Variants in STX7 observed in about 807,000 individuals in gnomAD.
STX7 encodes syntaxin 7.
A neutral mutation model predicts 39.6 loss-of-function variants in STX7; 34 were observed. The observed-to-expected ratio is 0.86, with a 90% CI of 0.65 to 1.14. The LOEUF (loss-of-function observed/expected upper bound fraction) is 1.14, where lower values mean the gene tolerates loss of function less well. STX7 is among the 50% of genes most tolerant of loss of function. The pLI is 0.00. For missense variants in STX7, 284 were observed against 310.4 expected (o/e 0.92, Z 0.64); for synonymous variants, 119 against 99.1 (o/e 1.20, Z -1.19).
chr6:132,460,578 G>GT lies in STX7; in HGVS notation c.*179dup, dbSNP rs1341219872. 2.3e-6 allele frequency: 1 copy of GT among 443,800 alleles called. No individual in the cohort carries two copies. Among genetic ancestry groups the GT allele is most frequent in the African/African-American group, 2.0e-5 (1 of 49,248 alleles). 27.5% of individuals were successfully genotyped at this position (443,800 alleles called of 1,614,324 possible). On this transcript the variant is annotated 3_prime_UTR_variant, in exon 10 of 10. Transcript: ENST00000367941. Reference sequence around the variant, plus strand: ...GCAGTGACATTTAGAAAATCTTTCAGTATTAGAAAATATCAGATTTAATCC... The same window carrying GT: ...GCAGTGACATTTAGAAAATCTTTCAGTTATTAGAAAATATCAGATTTAATCC...
At chr6:132,460,921 C>A in intron 9 of STX7, 71 bp from the exon 10 acceptor site, 1 of 1,316,424 alleles carries the variant, frequency 7.6e-7, no homozygotes, top group Non-Finnish European at 1.1e-6. Flanking sequence ...TCTACAGCAA[C>A]TAAAAATAAT....
At position 132,505,415 on chromosome 6, in the gene STX7, T is replaced by A. The variant is rs185593340; in HGVS notation, c.-58-1827A>T. 1.7e-4 allele frequency among the ~76,000 whole-genome samples: 26 copies of A among 152,296 alleles called. No individual in the cohort carries two copies. In the East Asian group the frequency reaches 5.0e-3, roughly 29 times the overall value. ...CTATGCCTGGAACTCTGGTGCACTT[T>A]GAATGTGCCTGGCCACGCTGAAAGT... On this transcript the variant is annotated intron_variant, in intron 1 of 9. Transcript: ENST00000367941.
intron 8 of STX7, among the ~76,000 whole-genome samples, chr6:132,467,845 C>T (rs928028067): frequency 6.6e-6 from 1 of 152,162 alleles, no homozygotes; most frequent in Non-Finnish European, 1.5e-5. Context: ...AATTGAAATG[C>T]TATTACATTC....
At chr6:132,471,965 T>C (rs374715605) in intron 4 of STX7, among the ~76,000 whole-genome samples, 5 of 152,246 alleles carry the variant, frequency 3.3e-5, no homozygotes, top group African/African-American at 1.2e-4. Flanking sequence ...ACACCTCACA[T>C]CTTGAATGAG....
intron 9 of STX7, among the ~76,000 whole-genome samples, chr6:132,462,293 CT>C (rs1196013466): frequency 5.9e-5 from 9 of 152,192 alleles, no homozygotes; most frequent in African/African-American, 1.9e-4. Flanking sequence ...GGAAAGCTGC[CT>C]CTTTTCTCAG....
At chr6:132,485,254 T>C (rs1775105828) in intron 2 of STX7, among the ~76,000 whole-genome samples, 1 of 152,228 alleles carries the variant, frequency 6.6e-6, no homozygotes, top group South Asian at 2.1e-4. Context: ...TTTTGCATTT[T>C]CTAAAGTTTT....
Position 132,446,484 on chromosome 6 carries a change from T to G in STX7, c.*14274A>C, listed in dbSNP as rs1224815183. ...GATACAAGAATGAGGTTTTAAGAGA[T>G]AATCTTTGTTTCTAATTAAGTGTGG... On this transcript the variant is annotated 3_prime_UTR_variant, in exon 10 of 10. Transcript: ENST00000367941. 1 of 152,196 alleles carries G rather than the reference T, an allele frequency of 6.6e-6. No individual in the cohort carries two copies. The highest frequency in any genetic ancestry group is 2.4e-5 in the African/African-American group (1 of 41,454). The allele number at this position is 152,196 out of a possible 1,614,324, so 9.4% of individuals were successfully genotyped here.
rs555808867 is a variant in STX7 at position 132,466,373 on chromosome 6, T to A, written c.610+2030A>T. On this transcript the variant is annotated intron_variant, in intron 8 of 9. Transcript: ENST00000367941. ...GTCTTTTTATTTGTTCTTCTTCAAC[T>A]GTCTGGGCTCTAAATCAGAGGTTAA... 3.3e-5 allele frequency among the ~76,000 whole-genome samples: 5 copies of A among 152,334 alleles called. No individual in the cohort carries two copies. In the East Asian group the frequency reaches 7.7e-4, roughly 23 times the overall value.
chr6:132,461,982 C>G, intron 9 of STX7: 5 of 917,928 alleles, frequency 5.4e-6, no homozygotes, highest in Non-Finnish European at 8.0e-6. Context: ...TTGAATATTC[C>G]ACATATTCAT....
Position 132,451,611 on chromosome 6 carries a change from G to A in STX7, c.*9147C>T, listed in dbSNP as rs1774138134. Reference sequence around the variant, plus strand: ...AGGAAATGATAAATGAAGGAGTTTTGGAATATCAGACATCAAAAGTCTAAC... The same window carrying A: ...AGGAAATGATAAATGAAGGAGTTTTAGAATATCAGACATCAAAAGTCTAAC... On this transcript the variant is annotated 3_prime_UTR_variant, in exon 10 of 10. Coordinates refer to ENST00000367941, the MANE Select transcript of STX7 (RefSeq NM_003569.3). 1 of 152,002 alleles carries A rather than the reference G, an allele frequency of 6.6e-6. No homozygotes were observed. Among genetic ancestry groups the A allele is most frequent in the African/African-American group, 2.4e-5 (1 of 41,410 alleles). The allele number at this position is 152,002 out of a possible 1,614,324, so 9.4% of individuals were successfully genotyped here.
At chr6:132,472,421 C>G (rs747046263) in intron 3 of STX7, 46 bp from the exon 4 acceptor site, 2 of 1,426,756 alleles carry the variant, frequency 1.4e-6, no homozygotes, top group South Asian at 1.3e-5. Flanking sequence ...TAATATACTT[C>G]TTTAAGCTTC....
In STX7 at chr6:132,473,497, G is replaced by GT. The variant is rs1241957879; in HGVS notation, c.156-1123dup. Among the ~76,000 whole-genome samples the GT allele has an allele frequency of 2.0e-3, 249 of 122,870 alleles. 1 individual carries two copies. Among genetic ancestry groups the GT allele is most frequent in the African/African-American group, 4.8e-3 (162 of 34,058 alleles). The allele number at this position is 122,870 out of a possible 152,430, so 80.6% of individuals were successfully genotyped here. A position where few individuals can be genotyped will look rare whatever the true frequency, so the allele number is the denominator to read the frequency against. ...AATAGTTGCTATATTTTATAGTTCA[G>GT]TTTTTTTTTTTATTATTGTGTTGTT... is the stretch of plus-strand genomic sequence containing the variant. On this transcript the variant is annotated intron_variant, in intron 3 of 9. Coordinates refer to ENST00000367941, the MANE Select transcript of STX7 (RefSeq NM_003569.3).
At chr6:132,492,314 A>G (rs1469760063) in intron 2 of STX7, among the ~76,000 whole-genome samples, 3 of 152,198 alleles carry the variant, frequency 2.0e-5, no homozygotes, top group Admixed American at 6.5e-5. Context: ...CTATTTATCA[A>G]ATGCAAACCC....
intron 4 of STX7, 62 bp downstream of exon 4, chr6:132,472,220 C>T (rs1774739807): frequency 7.9e-7 from 1 of 1,272,116 alleles, no homozygotes; most frequent in Non-Finnish European, 1.1e-6. Flanking sequence ...TTCAAAGATC[C>T]TACAGTGCAC....
At chr6:132,462,582 G>GGTGTGT (rs71952617) in intron 9 of STX7, among the ~76,000 whole-genome samples, 5,023 of 144,930 alleles carry the variant, frequency 0.035, 91 homozygotes, top group Middle Eastern at 0.042. Flanking sequence ...CATTTGCAGG[G>GGTGTGT]GTGTGTGTGT....
chr6:132,492,625 C>G (rs1562335251), intron 2 of STX7, among the ~76,000 whole-genome samples: 2 of 152,132 alleles, frequency 1.3e-5, no homozygotes, highest in Admixed American at 6.5e-5. Context: ...ATGAACCAGA[C>G]TCTCCTGGGC....
chr6:132,501,065 T>C (rs1350315054), intron 2 of STX7, among the ~76,000 whole-genome samples: 1 of 151,408 alleles, frequency 6.6e-6, no homozygotes, highest in Non-Finnish European at 1.5e-5. Context: ...TCCCTGTCTT[T>C]TTTTTTTTTT....
chr6:132,503,773 GAC>G (rs1299921502), intron 1 of STX7, among the ~76,000 whole-genome samples, 185 bp from the exon 2 acceptor site: 1 of 151,110 alleles, frequency 6.6e-6, no homozygotes, highest in African/African-American at 2.4e-5. Context: ...GACTTCAAAG[GAC>G]AGAGTCATGT....
chr6:132,477,917 A>AC (rs1241498946), intron 2 of STX7, among the ~76,000 whole-genome samples: 3 of 152,206 alleles, frequency 2.0e-5, no homozygotes, highest in African/African-American at 7.2e-5. Flanking sequence ...GCAAATGTGT[A>AC]CATAACAAAA....
Sources: allele counts gnomAD v4.1 joint callset (sites outside exome capture counted in the v4.1 genomes callset), GRCh38; gene constraint gnomAD v4.1.1; transcripts MANE v1.5; gene names NCBI Gene and HGNC (gene_info 2026-07-23, HGNC 2026-07-21).